PCDH15: variants seen among roughly 807,000 people sequenced by gnomAD.
PCDH15 encodes protocadherin related 15, also known as protocadherin-15.
In PCDH15, 129 loss-of-function variants were observed where a neutral mutation model predicts 178.5. The observed-to-expected ratio is 0.72, with a 90% CI of 0.63 to 0.84. PCDH15 has a LOEUF of 0.84. Among genes scored for constraint, PCDH15 ranks in the 40% least tolerant of loss-of-function variants. The pLI, the probability that PCDH15 is intolerant of heterozygous loss-of-function variation, is 0.00. For missense variants in PCDH15, 2,230 were observed against 2,099.9 expected (o/e 1.06, Z -1.21); for synonymous variants, 800 against 732.0 (o/e 1.09, Z -1.50).
At chr10:54,649,874 A>G (rs2094215136) in intron 2 of PCDH15, among the ~76,000 whole-genome samples, 1 of 152,134 alleles carries the variant, frequency 6.6e-6, no homozygotes, top group African/African-American at 2.4e-5. Flanking sequence ...TTGTTGTTTG[A>G]ACTCCAGCTA....
At chr10:54,716,943 A>T in intron 1 of PCDH15, among the ~76,000 whole-genome samples, 1 of 147,486 alleles carries the variant, frequency 6.8e-6, no homozygotes, top group African/African-American at 2.6e-5. Context: ...CAGAGCCCTC[A>T]GAAATAAGGC....
At chr10:54,500,022 C>T (rs1055539643) in intron 3 of PCDH15, among the ~76,000 whole-genome samples, 1 of 152,106 alleles carries the variant, frequency 6.6e-6, no homozygotes, top group African/African-American at 2.4e-5. Context: ...GTATTCACTA[C>T]AGCAAAGAAA....
chr10:55,333,510 G>A (rs926482230), intron 2 of PCDH15, among the ~76,000 whole-genome samples: 1 of 151,994 alleles, frequency 6.6e-6, no homozygotes, highest in Non-Finnish European at 1.5e-5. Context: ...GTAAACAATT[G>A]GGAGAACTGA....
chr10:54,971,095 T>A (rs1838918876), intron 2 of PCDH15, among the ~76,000 whole-genome samples: 1 of 152,102 alleles, frequency 6.6e-6, no homozygotes, highest in Admixed American at 6.6e-5. Context: ...TTGGAGTTAA[T>A]GAGATGGAAT....
chr10:54,731,753 A>C (rs942263299), intron 1 of PCDH15, among the ~76,000 whole-genome samples: 2 of 150,562 alleles, frequency 1.3e-5, no homozygotes, highest in Non-Finnish European at 3.0e-5. Context: ...ACAAGTGACT[A>C]TCATGAAGAT....
rs545214512 is a variant in PCDH15, at chr10:54,554,127, G to A, written c.92-26250C>T. On this transcript the variant is annotated intron_variant, in intron 2 of 37. Coordinates refer to ENST00000644397, the MANE Select transcript of PCDH15 (RefSeq NM_001384140.1). The stretch of plus-strand genomic sequence containing the variant: ...TTCCTATTACAATGTGAACTTAATG[G>A]CCTTTTCCCTACTTTTTATTTTCCC... 8.6e-4 allele frequency among the ~76,000 whole-genome samples: 131 copies of A among 152,062 alleles called. 1 individual carries two copies. The highest frequency in any genetic ancestry group is 2.8e-3 in the African/African-American group (117 of 41,484).
intron 1 of PCDH15, among the ~76,000 whole-genome samples, chr10:55,227,945 C>G (rs886635225): frequency 1.3e-5 from 2 of 152,038 alleles, no homozygotes; most frequent in African/African-American, 4.8e-5. Context: ...ATCCCCAACT[C>G]CCCTACCCTT....
intron 2 of PCDH15, among the ~76,000 whole-genome samples, chr10:55,614,855 A>C (rs1437461359): frequency 6.6e-6 from 1 of 152,168 alleles, no homozygotes; most frequent in Non-Finnish European, 1.5e-5. Context: ...TTTACTTCGT[A>C]GGAGGGTGAC....
intron 1 of PCDH15, among the ~76,000 whole-genome samples, chr10:54,666,955 T>A (rs1228490831): frequency 6.6e-6 from 1 of 152,010 alleles, no homozygotes; most frequent in Non-Finnish European, 1.5e-5. Flanking sequence ...TTAAAATCAT[T>A]AATGTCACTG....
rs755150672 is a variant in PCDH15 at position 54,183,493 on chromosome 10, T to C, written c.1541A>G (p.Tyr514Cys). The C allele has an allele frequency of 9.3e-6, 15 of 1,613,642 alleles. No homozygotes were observed. The highest frequency in any genetic ancestry group is 6.7e-5 in the African/African-American group (5 of 74,916). ...DNTPTFPEIS[Y>C]DVYVYTDMRP... ...CATGTCTGTATAAACATACACATCA[T>C]AGGATATTTCAGGGAAGGTTGGCGT... The change falls in exon 13 of 38, where the codon TAT becomes TGT. Residue 514 changes from tyrosine to cysteine, a missense_variant. Tyr to Cys is a radical substitution (Grantham distance 194). Coordinates refer to ENST00000644397, the MANE Select transcript of PCDH15 (RefSeq NM_001384140.1).
At chr10:55,286,232 G>A (rs1564969174) in intron 1 of PCDH15, among the ~76,000 whole-genome samples, 1 of 151,516 alleles carries the variant, frequency 6.6e-6, no homozygotes, top group South Asian at 2.1e-4. Flanking sequence ...GAAAATGACT[G>A]CATTAAAAAA....
intron 29 of PCDH15, among the ~76,000 whole-genome samples, chr10:53,836,179 T>C (rs940110398): frequency 6.6e-6 from 1 of 152,044 alleles, no homozygotes; most frequent in Non-Finnish European, 1.5e-5. Flanking sequence ...AGGTCTACTA[T>C]GGATTGAGAA....
intron 25 of PCDH15, among the ~76,000 whole-genome samples, chr10:53,908,348 T>C (rs970214456): frequency 4.6e-5 from 7 of 152,084 alleles, no homozygotes; most frequent in Admixed American, 3.9e-4. Flanking sequence ...ATTAGATGAG[T>C]TAAGATAAAA....
At chr10:54,177,061 G>C (rs750563429) in intron 13 of PCDH15, among the ~76,000 whole-genome samples, 5 of 152,026 alleles carry the variant, frequency 3.3e-5, no homozygotes, top group Admixed American at 2.6e-4. Flanking sequence ...TAAATAAACT[G>C]TGTTACATCT....
chr10:54,605,929 T>G, intron 2 of PCDH15: 1 of 152,114 alleles, frequency 6.6e-6, no homozygotes, highest in Non-Finnish European at 1.5e-5. Context: ...GATAAATTCC[T>G]TCCAGACTGA....
chr10:54,782,583 C>T (rs960418844), intron 1 of PCDH15, among the ~76,000 whole-genome samples: 2 of 152,002 alleles, frequency 1.3e-5, no homozygotes, highest in Admixed American at 1.3e-4. Flanking sequence ...ATTGTTCTCT[C>T]CCTTCAGGCT....
At chr10:55,298,747 A>AT (rs1305926334) in intron 1 of PCDH15, among the ~76,000 whole-genome samples, 1 of 151,684 alleles carries the variant, frequency 6.6e-6, no homozygotes, top group African/African-American at 2.4e-5. Flanking sequence ...CACCTAACGA[A>AT]TTTTTTCTTT....
chr10:54,306,704 G>A (rs2060492508), intron 8 of PCDH15, among the ~76,000 whole-genome samples: 1 of 151,528 alleles, frequency 6.6e-6, no homozygotes. Flanking sequence ...AACTATCCCA[G>A]GCTCCATTCC....
chr10:55,596,544 T>G (rs899940612), intron 2 of PCDH15, among the ~76,000 whole-genome samples: 4 of 152,096 alleles, frequency 2.6e-5, no homozygotes, highest in African/African-American at 9.7e-5. Flanking sequence ...ACTCCAGCTA[T>G]CCCATAGGTT....
Sources: allele counts gnomAD v4.1 joint callset (sites outside exome capture counted in the v4.1 genomes callset), GRCh38; gene constraint gnomAD v4.1.1; transcripts MANE v1.5; gene names NCBI Gene and HGNC (gene_info 2026-07-23, HGNC 2026-07-21).